Variants in RABGAP1L observed in about 807,000 individuals in gnomAD.
The protein encoded by RABGAP1L is rab GTPase-activating protein 1-like.
RABGAP1L carries 63 observed loss-of-function variants against 137.7 expected under a neutral mutation model. The ratio of observed to expected loss-of-function variants is 0.46; its 90% CI spans 0.37 to 0.56. The LOEUF (loss-of-function observed/expected upper bound fraction) is 0.56. RABGAP1L is among the 20% of genes least tolerant of loss of function. The probability of loss-of-function intolerance (pLI) is 0.00; values close to 1 mark genes in which losing one functional copy is unlikely to be tolerated. For missense variants in RABGAP1L, 1,095 were observed against 1,244.0 expected, an observed-to-expected ratio of 0.88 and a Z score of 1.80; for synonymous variants, 431 against 433.7, an observed-to-expected ratio of 0.99 and a Z score of 0.08.
chr1:174,547,706 A>T, intron 13 of RABGAP1L: 1 of 729,772 alleles, frequency 1.4e-6, no homozygotes, highest in Non-Finnish European at 2.2e-6. Context: ...GTGTTCTTTT[A>T]GACATGGGGA....
intron 12 of RABGAP1L, among the ~76,000 whole-genome samples, chr1:174,388,738 TAGTA>T (rs1687000074): frequency 6.6e-6 from 1 of 152,110 alleles, no homozygotes; most frequent in South Asian, 2.1e-4. Context: ...TGTGAATACT[TAGTA>T]AGTCAACTTT....
intron 15 of RABGAP1L, among the ~76,000 whole-genome samples, chr1:174,686,446 G>T (rs1275175137): frequency 2.6e-5 from 4 of 151,898 alleles, no homozygotes; most frequent in Admixed American, 2.6e-4. Context: ...ATTCTCAGGG[G>T]CCCTTGTTCC....
rs1282458694 is a variant in RABGAP1L at position 174,394,052 on chromosome 1, C to T, written c.1617C>T (p.Val539=). 2 of 1,613,868 alleles carry T rather than the reference C, an allele frequency of 1.2e-6. No homozygotes were observed. Among genetic ancestry groups the T allele is most frequent in the South Asian group, 1.1e-5 (1 of 91,072 alleles). Residue 539 remains valine (V), a synonymous_variant, in exon 13 of 26, where the codon GTC becomes GTT. Transcript: ENST00000681986. The part of the protein sequence containing the change: ...KGLSTLVKSG[V]PEALRAEVWQ... The stretch of plus-strand genomic sequence containing the variant: ...TGTCTACTCTGGTGAAGAGTGGTGT[C>T]CCTGAAGCATTGAGGGCAGAGGTAT...
chr1:174,946,703 C>G (rs1006543665), intron 19 of RABGAP1L, among the ~76,000 whole-genome samples: 2 of 151,492 alleles, frequency 1.3e-5, no homozygotes, highest in Admixed American at 1.3e-4. Flanking sequence ...GAGTTTGAGA[C>G]CAGCCTAGCC....
rs1339698734 is a variant in RABGAP1L at position 174,252,546 on chromosome 1, G to A, written c.942G>A (p.Val314=). The stretch of plus-strand genomic sequence containing the variant: ...AGCAAGGAATAGAGAAGAAGGTTGT[G>A]ATTACAGTGCAGCAACTTTCTAACA... The part of the protein sequence containing the change: ...KLKQGIEKKV[V]ITVQQLSNKE... Residue 314 remains valine (V), a synonymous_variant, in exon 7 of 26, where the codon GTG becomes GTA. Coordinates refer to ENST00000681986, the MANE Select transcript of RABGAP1L (RefSeq NM_001366446.1). 1.9e-6 allele frequency: 3 copies of A among 1,612,628 alleles called. No individual in the cohort carries two copies. The highest frequency in any genetic ancestry group is 2.5e-6 in the Non-Finnish European group (3 of 1,179,474).
At chr1:174,753,509 C>T (rs1684496830) in intron 18 of RABGAP1L, among the ~76,000 whole-genome samples, 1 of 152,140 alleles carries the variant, frequency 6.6e-6, no homozygotes, top group Non-Finnish European at 1.5e-5. Context: ...TTGTGAAGTT[C>T]ATAAGATACA....
chr1:174,990,208 T>A lies in RABGAP1L; in HGVS notation c.*207T>A. 2 of 542,536 alleles carry A rather than the reference T, an allele frequency of 3.7e-6. No homozygotes were observed. The highest frequency in any genetic ancestry group is 6.0e-6 in the Non-Finnish European group (2 of 335,758). 33.6% of individuals were successfully genotyped at this position (542,536 alleles called of 1,614,324 possible). On this transcript the variant is annotated 3_prime_UTR_variant, in exon 26 of 26. Coordinates refer to ENST00000681986, the MANE Select transcript of RABGAP1L (RefSeq NM_001366446.1). ...CTATGTTGAATACCTATTTTCCAGC[T>A]TCTGGAAGGCCATGTTCAGATCCAT...
At position 174,619,510 on chromosome 1, in the gene RABGAP1L, C is replaced by A. The variant is rs530606901; in HGVS notation, c.1711-17865C>A. ...CAACATTCTTAAAGAAAAGAATTTT[C>A]AGCCCAGAATTTCATATCCAGCCAA... On this transcript the variant is annotated intron_variant, in intron 13 of 25. Coordinates refer to ENST00000681986, the MANE Select transcript of RABGAP1L (RefSeq NM_001366446.1). 3.2e-3 allele frequency among the ~76,000 whole-genome samples: 488 copies of A among 152,292 alleles called. 3 individuals are homozygous for A. Among genetic ancestry groups the A allele is most frequent in the African/African-American group, 0.011 (450 of 41,546 alleles).
intron 19 of RABGAP1L, among the ~76,000 whole-genome samples, chr1:174,869,189 A>G (rs574928193): frequency 1.3e-4 from 20 of 152,188 alleles, no homozygotes; most frequent in African/African-American, 4.6e-4. Context: ...ACCTCACTGC[A>G]TTGTTACTAT....
At chr1:174,335,011 CTTCTA>C (rs1285441738) in intron 11 of RABGAP1L, among the ~76,000 whole-genome samples, 2 of 152,012 alleles carry the variant, frequency 1.3e-5, no homozygotes, top group Non-Finnish European at 2.9e-5. Flanking sequence ...AATTTTTTCA[CTTCTA>C]TTCTTAACAG....
rs190255911 is a variant in RABGAP1L, at chr1:174,807,303, A to C, written c.2212-4529A>C. On this transcript the variant is annotated intron_variant, in intron 18 of 25. Coordinates refer to ENST00000681986, the MANE Select transcript of RABGAP1L (RefSeq NM_001366446.1). The stretch of plus-strand genomic sequence containing the variant: ...TAATCAAGAAAAAGTTTATGACCCC[A>C]CCATGTAGACAATACACATACATAT... 1.2e-4 allele frequency among the ~76,000 whole-genome samples: 19 copies of C among 152,302 alleles called. 1 individual carries two copies. The highest frequency in any genetic ancestry group is 8.5e-4 in the Admixed American group (13 of 15,308).
At chr1:174,472,249 G>GT (rs1214455894) in intron 13 of RABGAP1L, among the ~76,000 whole-genome samples, 3 of 152,214 alleles carry the variant, frequency 2.0e-5, no homozygotes. Context: ...GGTAAGGAGT[G>GT]TGGCATCAGG....
At chr1:174,288,379 A>T (rs184956213) in intron 10 of RABGAP1L, among the ~76,000 whole-genome samples, 2 of 152,178 alleles carry the variant, frequency 1.3e-5, no homozygotes, top group Non-Finnish European at 2.9e-5. Flanking sequence ...GGCATTTCTT[A>T]TAAGGCAGAT....
At chr1:174,481,208 G>A (rs1659054209) in intron 13 of RABGAP1L, among the ~76,000 whole-genome samples, 1 of 152,148 alleles carries the variant, frequency 6.6e-6, no homozygotes, top group Admixed American at 6.6e-5. Flanking sequence ...ACCAGCACTT[G>A]ACTATGCTTA....
chr1:174,452,527 C>G (rs1288904124), intron 13 of RABGAP1L, among the ~76,000 whole-genome samples: 6 of 151,718 alleles, frequency 4.0e-5, no homozygotes, highest in Non-Finnish European at 5.9e-5. Flanking sequence ...AAAAAGTGTT[C>G]AGAATATGGT....
intron 13 of RABGAP1L, among the ~76,000 whole-genome samples, chr1:174,576,708 A>G (rs2148069330): frequency 6.6e-6 from 1 of 152,306 alleles, no homozygotes; most frequent in East Asian, 1.9e-4. Flanking sequence ...GATATATCAC[A>G]CTGCTGAAAC....
At chr1:174,521,479 A>G (rs1663387971) in intron 13 of RABGAP1L, among the ~76,000 whole-genome samples, 2 of 152,256 alleles carry the variant, frequency 1.3e-5, no homozygotes, top group African/African-American at 4.8e-5. Context: ...TTTTCAAAAT[A>G]TAGCAAAAAA....
chr1:174,331,130 G>C (rs931693175), intron 11 of RABGAP1L, among the ~76,000 whole-genome samples: 16 of 152,140 alleles, frequency 1.1e-4, no homozygotes, highest in African/African-American at 3.9e-4. Flanking sequence ...AAACTGGATA[G>C]CTACATGTAA....
At chr1:174,266,249 A>G (rs1319021361) in intron 7 of RABGAP1L, among the ~76,000 whole-genome samples, 2 of 152,212 alleles carry the variant, frequency 1.3e-5, no homozygotes, top group Non-Finnish European at 2.9e-5. Flanking sequence ...ATTAGCTAGT[A>G]ACTGTAAAGT....
Sources: allele counts gnomAD v4.1 joint callset (sites outside exome capture counted in the v4.1 genomes callset), GRCh38; gene constraint gnomAD v4.1.1; transcripts MANE v1.5; gene names NCBI Gene and HGNC (gene_info 2026-07-23, HGNC 2026-07-21).